Variants in FEZ1 observed in about 807,000 individuals in gnomAD.
FEZ1 encodes fasciculation and elongation protein zeta-1.
FEZ1 carries 20 observed loss-of-function variants against 49.3 expected under a neutral mutation model. The observed-to-expected ratio is 0.41, with a 90% CI of 0.29 to 0.59. The LOEUF (loss-of-function observed/expected upper bound fraction) is 0.59. Ranked by LOEUF, FEZ1 falls within the 20% of genes least tolerant of loss-of-function variation. FEZ1 has a pLI of 0.36. For synonymous variants in FEZ1, 170 were observed against 180.9 expected (o/e 0.94, Z 0.48); for missense variants, 413 against 476.0 (o/e 0.87, Z 1.23).
intron 6 of FEZ1, among the ~76,000 whole-genome samples, chr11:125,454,564 G>A (rs1330276488): frequency 6.6e-6 from 1 of 152,152 alleles, no homozygotes; most frequent in African/African-American, 2.4e-5. Context: ...AAAATGTTCA[G>A]CTATCAGAAG....
chr11:125,480,424 A>G (rs1957268645), intron 3 of FEZ1, among the ~76,000 whole-genome samples: 1 of 152,142 alleles, frequency 6.6e-6, no homozygotes, highest in South Asian at 2.1e-4. Flanking sequence ...GTGTGGCTAC[A>G]TTGCTAATAT....
At chr11:125,473,174 G>T (rs1256507682) in intron 3 of FEZ1, among the ~76,000 whole-genome samples, 2 of 152,038 alleles carry the variant, frequency 1.3e-5, no homozygotes, top group Non-Finnish European at 2.9e-5. Flanking sequence ...ATAAATTAGG[G>T]ATGATAAAAA....
intron 5 of FEZ1, among the ~76,000 whole-genome samples, chr11:125,458,060 G>A (rs1387914617): frequency 6.6e-6 from 1 of 152,128 alleles, no homozygotes; most frequent in African/African-American, 2.4e-5. Flanking sequence ...AAGGGCAGTC[G>A]GGAATGCAGC....
chr11:125,442,994 C>A lies in FEZ1; in HGVS notation c.*3101G>T, dbSNP rs1355317916. ...CAGGTGATCTGCCCACCTCGGCCTC[C>A]CAAAGTTCTGGGATTACAGGCATGA... On this transcript the variant is annotated 3_prime_UTR_variant, in exon 10 of 10. Transcript: ENST00000278919. 1.3e-5 allele frequency among the ~76,000 whole-genome samples: 2 copies of A among 152,208 alleles called. No homozygotes were observed. Among genetic ancestry groups the A allele is most frequent in the Non-Finnish European group, 1.5e-5 (1 of 67,994 alleles).
At chr11:125,461,296 T>G (rs1706863307) in intron 4 of FEZ1, among the ~76,000 whole-genome samples, 1 of 152,104 alleles carries the variant, frequency 6.6e-6, no homozygotes, top group Non-Finnish European at 1.5e-5. Context: ...AAATTAGATA[T>G]CTGCCAAAAG....
At chr11:125,450,468 C>T (rs904546987) in intron 8 of FEZ1, among the ~76,000 whole-genome samples, 4 of 152,222 alleles carry the variant, frequency 2.6e-5, no homozygotes, top group South Asian at 2.1e-4. Context: ...CTTGCCAATA[C>T]GTATCTAAAT....
Position 125,443,835 on chromosome 11 carries a change from G to A in FEZ1, c.*2260C>T, listed in dbSNP as rs1321027070. Reference sequence around the variant, plus strand: ...TAGCCAGAGTGTATCCCCAACACTCGAGATTTATTTTTAACTCCCAGCAGC... The same window carrying A: ...TAGCCAGAGTGTATCCCCAACACTCAAGATTTATTTTTAACTCCCAGCAGC... On this transcript the variant is annotated 3_prime_UTR_variant, in exon 10 of 10. Coordinates refer to ENST00000278919, the MANE Select transcript of FEZ1 (RefSeq NM_005103.5). 4.6e-5 allele frequency among the ~76,000 whole-genome samples: 7 copies of A among 152,120 alleles called. No individual in the cohort carries two copies. Among genetic ancestry groups the A allele is most frequent in the Admixed American group, 3.3e-4 (5 of 15,260 alleles).
Position 125,443,913 on chromosome 11 carries a change from G to A in FEZ1, c.*2182C>T, listed in dbSNP as rs927601110. Among the ~76,000 whole-genome samples the A allele has an allele frequency of 1.3e-5, 2 of 152,180 alleles. No individual in the cohort carries two copies. Among genetic ancestry groups the A allele is most frequent in the African/African-American group, 4.8e-5 (2 of 41,440 alleles). ...GACACCTGCTGGCAGGATAAATTGG[G>A]GGAAAGGAGTGGCTGACCCAGATCT... On this transcript the variant is annotated 3_prime_UTR_variant, in exon 10 of 10. Coordinates refer to ENST00000278919, the MANE Select transcript of FEZ1 (RefSeq NM_005103.5).
chr11:125,468,779 T>G (rs948265361), intron 3 of FEZ1, among the ~76,000 whole-genome samples: 7 of 152,098 alleles, frequency 4.6e-5, no homozygotes, highest in African/African-American at 1.4e-4. Flanking sequence ...ACTGAATGGC[T>G]CAGGAATTGC....
In FEZ1 at chr11:125,443,485, T is replaced by A. The variant is rs1397768358; in HGVS notation, c.*2610A>T. On this transcript the variant is annotated 3_prime_UTR_variant, in exon 10 of 10. Transcript: ENST00000278919. ...CAGGGAGATTTAGCTTAATACGTAG[T>A]AGAGCTGCATTTGAACTCAAGGCAC... Among the ~76,000 whole-genome samples the A allele has an allele frequency of 6.6e-6, 1 of 152,230 alleles. No individual in the cohort carries two copies. The highest frequency in any genetic ancestry group is 6.5e-5 in the Admixed American group (1 of 15,284).
intron 4 of FEZ1, among the ~76,000 whole-genome samples, chr11:125,461,795 C>T (rs117528377): frequency 2.0e-5 from 3 of 152,310 alleles, no homozygotes; most frequent in Non-Finnish European, 4.4e-5. Flanking sequence ...TCACAGTGGG[C>T]TGGACCAAAG....
intron 3 of FEZ1, among the ~76,000 whole-genome samples, chr11:125,470,475 C>A (rs1442946296): frequency 1.3e-5 from 2 of 152,076 alleles, no homozygotes; most frequent in African/African-American, 4.8e-5. Flanking sequence ...AAAAGGAATT[C>A]TAGAAAGCAA....
Position 125,494,827 on chromosome 11 carries a change from G to GCC in FEZ1, c.-46+1293_-46+1294insGG, listed in dbSNP as rs2135798229. 2.0e-5 allele frequency among the ~76,000 whole-genome samples: 3 copies of GCC among 152,290 alleles called. No individual in the cohort carries two copies. In the East Asian group the frequency reaches 5.8e-4, roughly 29 times the overall value. ...AAATGCTCAGTCCCTGCTTTGCTGA[G>GCC]CTGACCCGAGTGGAGCGGAGCGGTG... On this transcript the variant is annotated intron_variant, in intron 1 of 9. Transcript: ENST00000278919.
In FEZ1 at chr11:125,446,143, C is replaced by T. The variant is rs374802495; in HGVS notation, c.1163-32G>A. 15 of 1,613,126 alleles carry T rather than the reference C, an allele frequency of 9.3e-6. 1 individual carries two copies. In the African/African-American group the frequency reaches 1.9e-4, roughly 20 times the overall value. ...CGAGAAGAGAGGAGGGGAGAGCGGT[C>T]AGAACACAGTTGCAGGTGGGGACCT... On this transcript the variant is annotated intron_variant, in intron 9 of 9. Coordinates refer to ENST00000278919, the MANE Select transcript of FEZ1 (RefSeq NM_005103.5).
intron 5 of FEZ1, among the ~76,000 whole-genome samples, chr11:125,459,799 G>GGA (rs1957056045): frequency 6.6e-6 from 1 of 151,770 alleles, no homozygotes; most frequent in African/African-American, 2.4e-5. Context: ...ATTAGGCATA[G>GGA]GAAGTCTTAG....
At chr11:125,455,773 C>G in intron 6 of FEZ1, 62 bp downstream of exon 6, 3 of 1,552,482 alleles carry the variant, frequency 1.9e-6, no homozygotes, top group Non-Finnish European at 2.7e-6. Context: ...GTTGGTAGGG[C>G]ACTGAAACGG....
intron 3 of FEZ1, among the ~76,000 whole-genome samples, chr11:125,464,966 A>G (rs942606008): frequency 6.6e-6 from 1 of 152,234 alleles, no homozygotes; most frequent in Non-Finnish European, 1.5e-5. Flanking sequence ...TTTGTTCACA[A>G]CTACACTCAT....
intron 8 of FEZ1, among the ~76,000 whole-genome samples, chr11:125,451,881 C>G (rs1241970298): frequency 6.6e-6 from 1 of 152,208 alleles, no homozygotes; most frequent in Non-Finnish European, 1.5e-5. Flanking sequence ...CAGCCTTACC[C>G]CACCCAAGAA....
intron 8 of FEZ1, 93 bp downstream of exon 8, chr11:125,452,241 A>T (rs1956964340): frequency 2.4e-6 from 2 of 838,282 alleles, no homozygotes; most frequent in Non-Finnish European, 4.2e-6. Context: ...ACCTGCTTTG[A>T]GGAGTCTCGG....
Sources: allele counts gnomAD v4.1 joint callset (sites outside exome capture counted in the v4.1 genomes callset), GRCh38; gene constraint gnomAD v4.1.1; transcripts MANE v1.5; gene names NCBI Gene and HGNC (gene_info 2026-07-23, HGNC 2026-07-21).